NRCAM: variants seen among roughly 807,000 people sequenced by gnomAD.
NRCAM encodes the protein neuronal cell adhesion molecule.
NRCAM carries 83 observed loss-of-function variants against 156.5 expected under a neutral mutation model. The observed-to-expected ratio is 0.53, with a 90% CI of 0.44 to 0.64. The LOEUF is 0.64. Among genes scored for constraint, NRCAM ranks in the 30% least tolerant of loss-of-function variants. NRCAM has a pLI of 0.00. For missense variants in NRCAM, 1,417 were observed against 1,597.3 expected, an observed-to-expected ratio of 0.89 and a Z score of 1.92; for synonymous variants, 538 against 563.9, an observed-to-expected ratio of 0.95 and a Z score of 0.65.
chr7:108,230,683 G>A (rs182513282), intron 8 of NRCAM, among the ~76,000 whole-genome samples: 91 of 151,818 alleles, frequency 6.0e-4, no homozygotes, highest in Non-Finnish European at 1.2e-3. Context: ...TTAGGGGCAT[G>A]GCTTGCTCTC....
At chr7:108,196,568 G>C (rs2075242679) in intron 14 of NRCAM, among the ~76,000 whole-genome samples, 1 of 152,104 alleles carries the variant, frequency 6.6e-6, no homozygotes, top group Non-Finnish European at 1.5e-5. Context: ...ACAGCCAACA[G>C]GTATATGGGA....
At chr7:108,249,476 A>AT (rs1283873123) in intron 3 of NRCAM, among the ~76,000 whole-genome samples, 1 of 152,354 alleles carries the variant, frequency 6.6e-6, no homozygotes, top group South Asian at 2.1e-4. Flanking sequence ...GGTGCATTTA[A>AT]TTTTCTTTAT....
intron 1 of NRCAM, among the ~76,000 whole-genome samples, chr7:108,449,907 T>TG (rs1442257520): frequency 6.9e-6 from 1 of 145,982 alleles, no homozygotes; most frequent in East Asian, 1.9e-4. Flanking sequence ...AGAAATAGAT[T>TG]TTTTTTTTTT....
rs143818438 is a variant in NRCAM at position 108,200,519 on chromosome 7, C to T, written c.1208-2420G>A. Among the ~76,000 whole-genome samples, 147 of 152,246 alleles carry T rather than the reference C, an allele frequency of 9.7e-4. 1 individual carries two copies. The highest frequency in any genetic ancestry group is 3.3e-3 in the African/African-American group (137 of 41,538). ...CAAGTCTTGTATGACTGGGGCCTGACTCACACAGTCTCAGTGATGCTCACC... is the reference window on the plus strand; with the variant it reads ...CAAGTCTTGTATGACTGGGGCCTGATTCACACAGTCTCAGTGATGCTCACC... On this transcript the variant is annotated intron_variant, in intron 13 of 32. Transcript: ENST00000379028.
intron 3 of NRCAM, among the ~76,000 whole-genome samples, chr7:108,243,704 T>C (rs143155658): frequency 1.3e-5 from 2 of 152,252 alleles, no homozygotes; most frequent in African/African-American, 4.8e-5. Context: ...TTCTGAAAAA[T>C]AGATCACCCT....
At chr7:108,229,293 C>T (rs1246478218) in intron 8 of NRCAM, among the ~76,000 whole-genome samples, 1 of 152,154 alleles carries the variant, frequency 6.6e-6, no homozygotes, top group Non-Finnish European at 1.5e-5. Context: ...GATGGTGTCT[C>T]ACTCTGCTGC....
At chr7:108,387,786 C>T (rs1180115967) in intron 2 of NRCAM, among the ~76,000 whole-genome samples, 1 of 150,994 alleles carries the variant, frequency 6.6e-6, no homozygotes, top group African/African-American at 2.4e-5. Context: ...TCCATTCCCA[C>T]CTATGAGTGA....
At chr7:108,195,526 G>A (rs1029398394) in intron 15 of NRCAM, among the ~76,000 whole-genome samples, 3 of 152,046 alleles carry the variant, frequency 2.0e-5, no homozygotes, top group Non-Finnish European at 4.4e-5. Flanking sequence ...TGAGGCAGGA[G>A]ATATGCTTGA....
In NRCAM at chr7:108,207,446, T is replaced by G. The variant is rs116744109; in HGVS notation, c.1207+82A>C. 1,271 of 1,429,876 alleles carry G rather than the reference T, an allele frequency of 8.9e-4. 16 individuals carry two copies. In the African/African-American group the frequency reaches 0.017, roughly 19 times the overall value. The allele number at this position is 1,429,876 out of a possible 1,614,324, so 88.6% of individuals were successfully genotyped here. On this transcript the variant is annotated intron_variant, in intron 13 of 32. Coordinates refer to ENST00000379028, the MANE Select transcript of NRCAM (RefSeq NM_001037132.4). Reference sequence around the variant, plus strand: ...GCTTCCTTCCTTAACCTGAGTTATTTTTTTATCACCATTTATTCACTGTCG... The same window carrying G: ...GCTTCCTTCCTTAACCTGAGTTATTGTTTTATCACCATTTATTCACTGTCG...
chr7:108,178,226 C>G lies in NRCAM; in HGVS notation c.2852-114G>C, dbSNP rs1002711817. 3.9e-6 allele frequency: 4 copies of G among 1,026,076 alleles called. No individual in the cohort carries two copies. The African/African-American group carries it at 4.8e-5, about 12-fold the overall frequency. 63.6% of individuals were successfully genotyped at this position (1,026,076 alleles called of 1,614,324 possible). A position where few individuals can be genotyped will look rare whatever the true frequency, so the allele number is the denominator to read the frequency against. ...AGGTTTTGAGTTTCAGTAACTCATT[C>G]CTGATTCAGCTGAAAATACATTAGT... On this transcript the variant is annotated intron_variant, in intron 25 of 32. Coordinates refer to ENST00000379028, the MANE Select transcript of NRCAM (RefSeq NM_001037132.4).
chr7:108,169,635 C>T (rs1464130595), intron 28 of NRCAM, among the ~76,000 whole-genome samples: 2 of 152,130 alleles, frequency 1.3e-5, no homozygotes, highest in Non-Finnish European at 2.9e-5. Flanking sequence ...CATGGGGAAA[C>T]AGCAGAGGGC....
intron 25 of NRCAM, among the ~76,000 whole-genome samples, chr7:108,179,940 T>C (rs1441257998): frequency 6.6e-6 from 1 of 152,222 alleles, no homozygotes; most frequent in Non-Finnish European, 1.5e-5. Flanking sequence ...TCCAAATAAA[T>C]GTCAAAGTAA....
intron 19 of NRCAM, among the ~76,000 whole-genome samples, chr7:108,190,027 C>G (rs1301419075): frequency 1.3e-5 from 2 of 152,146 alleles, no homozygotes; most frequent in Non-Finnish European, 2.9e-5. Context: ...CATCAGCACT[C>G]TCAGCGTTTC....
intron 2 of NRCAM, among the ~76,000 whole-genome samples, chr7:108,384,247 A>G (rs931107318): frequency 6.6e-6 from 1 of 152,170 alleles, no homozygotes; most frequent in South Asian, 2.1e-4. Context: ...ATCTAAAATA[A>G]AAGTCAAAAA....
At chr7:108,404,927 C>G (rs988205983) in intron 1 of NRCAM, among the ~76,000 whole-genome samples, 6 of 152,126 alleles carry the variant, frequency 3.9e-5, no homozygotes, top group African/African-American at 1.4e-4. Context: ...TCTTGGAAAT[C>G]TTGTGAGGAG....
chr7:108,445,267 C>T (rs1470664699), intron 1 of NRCAM, among the ~76,000 whole-genome samples: 1 of 152,180 alleles, frequency 6.6e-6, no homozygotes, highest in African/African-American at 2.4e-5. Context: ...GACAGCTTTG[C>T]TGACTCTTAT....
At chr7:108,454,218 A>G (rs1853847331) in intron 1 of NRCAM, among the ~76,000 whole-genome samples, 1 of 152,190 alleles carries the variant, frequency 6.6e-6, no homozygotes, top group Non-Finnish European at 1.5e-5. Context: ...CTGAATCACA[A>G]TATTGCCTGC....
intron 2 of NRCAM, among the ~76,000 whole-genome samples, chr7:108,338,955 C>G (rs1351182566): frequency 6.6e-6 from 1 of 152,170 alleles, no homozygotes; most frequent in Non-Finnish European, 1.5e-5. Context: ...GCTTTGCTAA[C>G]AGAATAAAGT....
chr7:108,206,566 T>C (rs182121812), intron 13 of NRCAM, among the ~76,000 whole-genome samples: 1 of 152,226 alleles, frequency 6.6e-6, no homozygotes, highest in Admixed American at 6.5e-5. Flanking sequence ...GGGGAAAATG[T>C]TGAAAGATGC....
Sources: gnomAD v4.1 joint callset for allele counts (sites outside exome capture counted in the v4.1 genomes callset) on GRCh38, gnomAD v4.1.1 for gene constraint, MANE v1.5 for transcripts, NCBI Gene and HGNC (gene_info 2026-07-23, HGNC 2026-07-21) for gene names.